The following HNMT variants were observed in gnomAD, a reference collection of about 807,000 sequenced individuals.
HNMT encodes histamine N-methyltransferase.
HNMT carries 30 observed loss-of-function variants against 32.1 expected under a neutral mutation model. The observed-to-expected ratio is 0.93, with a 90% CI of 0.70 to 1.27. HNMT has a LOEUF of 1.27. Ranked by LOEUF, HNMT falls within the 50% of genes most tolerant of loss-of-function variation. The pLI is 0.00. For missense variants in HNMT, 327 were observed against 346.0 expected (o/e 0.95, Z 0.43); for synonymous variants, 125 against 119.0 (o/e 1.05, Z -0.33).
chr2:138,000,589 G>A (rs936599212), intron 2 of HNMT, among the ~76,000 whole-genome samples: 43 of 151,318 alleles, frequency 2.8e-4, no homozygotes, highest in African/African-American at 8.7e-4. Flanking sequence ...AATTTTAATT[G>A]ACAGTGGCTT....
rs1024693125 is a variant in HNMT at position 137,970,691 on chromosome 2, G to T, written c.190+474G>T. On this transcript the variant is annotated intron_variant, in intron 2 of 5. Transcript: ENST00000280097. Reference sequence around the variant, plus strand: ...ATCCCAGCACTTTGGGAGGCTGAGGGGGGCGGATCACGAGGTCAGGAGATC... The same window carrying T: ...ATCCCAGCACTTTGGGAGGCTGAGGTGGGCGGATCACGAGGTCAGGAGATC... Among the ~76,000 whole-genome samples, 4 of 152,002 alleles carry T rather than the reference G, an allele frequency of 2.6e-5. No homozygotes were observed. The East Asian group carries it at 7.8e-4, about 30-fold the overall frequency.
chr2:137,967,063 A>G, intron 1 of HNMT: 1 of 780,482 alleles, frequency 1.3e-6, no homozygotes, highest in South Asian at 1.3e-5. Context: ...GTTTTGTATA[A>G]TAGATCTAAA....
In HNMT at chr2:137,969,630, G is replaced by A. The variant is rs148397390; in HGVS notation, c.138-535G>A. ...ATCTGTCCACTCCACTCTATTTCTA[G>A]TACCTGAGTCATAATTCGGGCTTTA... On this transcript the variant is annotated intron_variant, in intron 1 of 5. Coordinates refer to ENST00000280097, the MANE Select transcript of HNMT (RefSeq NM_006895.3). Among the ~76,000 whole-genome samples the A allele has an allele frequency of 2.1e-3, 313 of 151,952 alleles. 3 individuals carry two copies. The highest frequency in any genetic ancestry group is 7.3e-3 in the African/African-American group (303 of 41,446).
In HNMT at chr2:138,014,629, T is replaced by C. The variant is rs1681608550; in HGVS notation, c.*499T>C. The C allele has an allele frequency of 6.6e-6, 1 of 152,618 alleles. No homozygotes were observed. The highest frequency in any genetic ancestry group is 2.1e-4 in the South Asian group (1 of 4,828). The allele number at this position is 152,618 out of a possible 1,614,324, so 9.5% of individuals were successfully genotyped here. A position where few individuals can be genotyped will look rare whatever the true frequency, so the allele number is the denominator to read the frequency against. On this transcript the variant is annotated 3_prime_UTR_variant, in exon 6 of 6. Coordinates refer to ENST00000280097, the MANE Select transcript of HNMT (RefSeq NM_006895.3). ...ATTAATTTGTAAGAGTAAGCACCTT[T>C]AGAATATTAAAAATTAATTCTTTAT...
chr2:137,996,958 T>C (rs1681016169), intron 2 of HNMT, among the ~76,000 whole-genome samples: 1 of 152,164 alleles, frequency 6.6e-6, no homozygotes, highest in Admixed American at 6.5e-5. Flanking sequence ...CTGGGAAAAC[T>C]GGCTAGCCAT....
intron 1 of HNMT, among the ~76,000 whole-genome samples, chr2:137,968,319 T>C (rs1375203972): frequency 6.6e-6 from 1 of 152,226 alleles, no homozygotes; most frequent in Non-Finnish European, 1.5e-5. Context: ...GGATGAATAA[T>C]AGTATCTAAC....
intron 5 of HNMT, among the ~76,000 whole-genome samples, chr2:138,007,368 T>A (rs1302843405): frequency 6.6e-6 from 1 of 152,002 alleles, no homozygotes; most frequent in Non-Finnish European, 1.5e-5. Context: ...CTTTTCCCAA[T>A]AATGAATACT....
chr2:137,974,711 C>G (rs3113205), intron 2 of HNMT, among the ~76,000 whole-genome samples: 140,693 of 152,200 alleles, frequency 0.92, 66,052 homozygotes, highest in South Asian at 1. Flanking sequence ...ATCCAGCTTC[C>G]TACTTCTATT....
At position 138,002,164 on chromosome 2, in the gene HNMT, T is replaced by A; in HGVS notation, c.399T>A (p.Leu133=). The A allele has an allele frequency of 6.3e-7, 1 of 1,590,126 alleles. No homozygotes were observed. Among genetic ancestry groups the A allele is most frequent in the Non-Finnish European group, 8.6e-7 (1 of 1,162,784 alleles). ...GTAGAATGTTGGAGAAAAAGGAGCTTCAAAAGTGGGACTTTATTCATATGA... is the reference window on the plus strand; with the variant it reads ...GTAGAATGTTGGAGAAAAAGGAGCTACAAAAGTGGGACTTTATTCATATGA... ...YQSRMLEKKE[L]QKWDFIHMIQ... The change falls in exon 4 of 6, where the codon CTT becomes CTA. Residue 133 remains leucine (L), a synonymous_variant. Transcript: ENST00000280097.
intron 2 of HNMT, among the ~76,000 whole-genome samples, chr2:137,988,252 A>G (rs1317809307): frequency 6.6e-6 from 1 of 152,212 alleles, no homozygotes. Context: ...TAAAATGGTT[A>G]TCATGGTAAG....
intron 2 of HNMT, chr2:137,981,350 C>T (rs766281048): frequency 1.1e-5 from 18 of 1,612,610 alleles, no homozygotes; most frequent in East Asian, 1.1e-4. Flanking sequence ...TGGAGCTGCC[C>T]GTTTAGAAAG....
At chr2:137,970,933 A>AG (rs1553488365) in intron 2 of HNMT, among the ~76,000 whole-genome samples, 1 of 86,682 alleles carries the variant, frequency 1.2e-5, no homozygotes, top group African/African-American at 4.5e-5. Context: ...AAAAAAAAAA[A>AG]AAAGAAAGAA....
chr2:137,976,232 C>T (rs1263658473), intron 2 of HNMT, among the ~76,000 whole-genome samples: 1 of 147,722 alleles, frequency 6.8e-6, no homozygotes, highest in African/African-American at 2.5e-5. Flanking sequence ...GGCCATTGCA[C>T]TCCAGCCTGG....
intron 1 of HNMT, among the ~76,000 whole-genome samples, chr2:137,968,528 G>A (rs549602693): frequency 6.6e-6 from 1 of 152,296 alleles, no homozygotes; most frequent in South Asian, 2.1e-4. Flanking sequence ...CTACAAGAGA[G>A]ATGATATTAT....
intron 1 of HNMT, among the ~76,000 whole-genome samples, chr2:137,968,914 G>A (rs1680039809): frequency 6.6e-6 from 1 of 152,044 alleles, no homozygotes; most frequent in South Asian, 2.1e-4. Context: ...TTCCCTTCAT[G>A]GTTCTCCTAC....
intron 2 of HNMT, among the ~76,000 whole-genome samples, chr2:138,000,301 C>G (rs571733147): frequency 1.3e-5 from 2 of 152,074 alleles, no homozygotes; most frequent in Non-Finnish European, 2.9e-5. Flanking sequence ...CATCATCTCT[C>G]GTCCTCTCCC....
chr2:137,971,504 A>G (rs1680137109), intron 2 of HNMT, among the ~76,000 whole-genome samples: 2 of 152,158 alleles, frequency 1.3e-5, no homozygotes, highest in Non-Finnish European at 2.9e-5. Context: ...GGCATTTTAT[A>G]GTGTCATTAC....
Position 137,995,820 on chromosome 2 carries a change from A to G in HNMT, c.191-5098A>G, listed in dbSNP as rs560330067. ...AGCACATTAAAAAAAATTATCCACCACAATCAAGTCAGCTTCATCCCTGGG... is the reference window on the plus strand; with the variant it reads ...AGCACATTAAAAAAAATTATCCACCGCAATCAAGTCAGCTTCATCCCTGGG... On this transcript the variant is annotated intron_variant, in intron 2 of 5. Coordinates refer to ENST00000280097, the MANE Select transcript of HNMT (RefSeq NM_006895.3). Among the ~76,000 whole-genome samples, 11 of 152,288 alleles carry G rather than the reference A, an allele frequency of 7.2e-5. No individual in the cohort carries two copies. In the East Asian group the frequency reaches 1.7e-3, roughly 24 times the overall value.
At chr2:137,977,470 G>T (rs957005070) in intron 2 of HNMT, among the ~76,000 whole-genome samples, 1 of 152,028 alleles carries the variant, frequency 6.6e-6, no homozygotes, top group Non-Finnish European at 1.5e-5. Context: ...AAGGGGATTG[G>T]GGGGGTTGCA....
Sources: gnomAD v4.1 joint callset for allele counts (sites outside exome capture counted in the v4.1 genomes callset) on GRCh38, gnomAD v4.1.1 for gene constraint, MANE v1.5 for transcripts, NCBI Gene and HGNC (gene_info 2026-07-23, HGNC 2026-07-21) for gene names.